KIAA0825: variants seen among roughly 807,000 people sequenced by gnomAD.
KIAA0825 encodes uncharacterized protein KIAA0825.
In KIAA0825, 119 loss-of-function variants were observed where a neutral mutation model predicts 147.6. The observed-to-expected ratio is 0.81, with a 90% CI of 0.69 to 0.94. The LOEUF (loss-of-function observed/expected upper bound fraction) is 0.94. Ranked by LOEUF, KIAA0825 falls within the 40% of genes least tolerant of loss-of-function variation. The probability of loss-of-function intolerance (pLI) is 0.00; values close to 1 mark genes in which losing one functional copy is unlikely to be tolerated. For missense variants in KIAA0825, 1,381 were observed against 1,472.7 expected (o/e 0.94, Z 1.02); for synonymous variants, 470 against 518.1 (o/e 0.91, Z 1.26).
intron 20 of KIAA0825, among the ~76,000 whole-genome samples, chr5:94,358,042 A>G (rs1386296364): frequency 6.6e-6 from 1 of 152,138 alleles, no homozygotes; most frequent in Non-Finnish European, 1.5e-5. Flanking sequence ...ATCTATCTTC[A>G]TCAGAACTAG....
chr5:94,433,583 A>G (rs1755972879), intron 14 of KIAA0825, among the ~76,000 whole-genome samples: 1 of 152,212 alleles, frequency 6.6e-6, no homozygotes, highest in South Asian at 2.1e-4. Context: ...TTTGAAAGCC[A>G]GCTGCCTGGG....
In KIAA0825 at chr5:94,417,186, G is replaced by A. The variant is rs776636275; in HGVS notation, c.2662+15C>T. 35 of 1,546,884 alleles carry A rather than the reference G, an allele frequency of 2.3e-5. No homozygotes were observed. Among genetic ancestry groups the A allele is most frequent in the East Asian group, 2.5e-5 (1 of 40,808 alleles). ...CTATAGAACATTTCTTTTACAAACAGTAAATGTCTCATACCTGGGATGTTA... is the reference window on the plus strand; with the variant it reads ...CTATAGAACATTTCTTTTACAAACAATAAATGTCTCATACCTGGGATGTTA... On this transcript the variant is annotated intron_variant, in intron 15 of 20. Coordinates refer to ENST00000682413, the MANE Select transcript of KIAA0825 (RefSeq NM_001145678.3).
chr5:94,353,301 A>G (rs1272171481), intron 20 of KIAA0825, among the ~76,000 whole-genome samples: 4 of 152,198 alleles, frequency 2.6e-5, no homozygotes, highest in Non-Finnish European at 4.4e-5. Context: ...TTTTCTACAT[A>G]CCATTTACAG....
chr5:94,360,384 A>G (rs914052257), intron 20 of KIAA0825, among the ~76,000 whole-genome samples: 4 of 152,180 alleles, frequency 2.6e-5, no homozygotes, highest in Non-Finnish European at 5.9e-5. Context: ...TGCATCTTGA[A>G]TAGGGTCTGA....
At chr5:94,156,271 T>C (rs1767021801) in intron 20 of KIAA0825, among the ~76,000 whole-genome samples, 1 of 152,154 alleles carries the variant, frequency 6.6e-6, no homozygotes, top group South Asian at 2.1e-4. Context: ...TTAAAAACCA[T>C]TTACAGCTAA....
intron 3 of KIAA0825, among the ~76,000 whole-genome samples, chr5:94,525,570 A>C (rs1028172370): frequency 6.6e-6 from 1 of 151,934 alleles, no homozygotes; most frequent in Non-Finnish European, 1.5e-5. Context: ...GTATTTTCTT[A>C]ACTTATGTAA....
intron 20 of KIAA0825, among the ~76,000 whole-genome samples, chr5:94,287,028 C>T (rs1412818733): frequency 6.6e-6 from 1 of 152,090 alleles, no homozygotes; most frequent in Non-Finnish European, 1.5e-5. Flanking sequence ...GACTTGTATG[C>T]TCTAGATAAT....
chr5:94,578,566 C>T (rs917019700), intron 2 of KIAA0825, among the ~76,000 whole-genome samples: 2 of 152,060 alleles, frequency 1.3e-5, no homozygotes, highest in African/African-American at 4.8e-5. Flanking sequence ...TTGTGACTAC[C>T]TTGCATCCCT....
chr5:94,320,249 T>C (rs1780032794), intron 20 of KIAA0825, among the ~76,000 whole-genome samples: 1 of 152,016 alleles, frequency 6.6e-6, no homozygotes, highest in South Asian at 2.1e-4. Flanking sequence ...TGATATTTTG[T>C]TACATGCATA....
chr5:94,570,998 T>C (rs1453088439), intron 2 of KIAA0825, among the ~76,000 whole-genome samples: 2 of 152,256 alleles, frequency 1.3e-5, no homozygotes, highest in Non-Finnish European at 2.9e-5. Flanking sequence ...ACCTTGTATA[T>C]GTATAATCAT....
chr5:94,254,125 G>A (rs1776117470), intron 20 of KIAA0825, among the ~76,000 whole-genome samples: 1 of 152,154 alleles, frequency 6.6e-6, no homozygotes, highest in Non-Finnish European at 1.5e-5. Context: ...GGGACAGCAA[G>A]AGTTATTCCC....
chr5:94,196,587 G>A (rs1395785273), intron 20 of KIAA0825, among the ~76,000 whole-genome samples: 1 of 152,026 alleles, frequency 6.6e-6, no homozygotes, highest in Admixed American at 6.6e-5. Context: ...CATAGTATCA[G>A]ATAGGTAGTT....
At chr5:94,235,908 A>G in intron 20 of KIAA0825, among the ~76,000 whole-genome samples, 1 of 152,180 alleles carries the variant, frequency 6.6e-6, no homozygotes, top group East Asian at 1.9e-4. Context: ...TTTTAAATCC[A>G]CTGTTGAGAC....
chr5:94,283,035 C>A (rs768668799), intron 20 of KIAA0825, among the ~76,000 whole-genome samples: 8 of 151,968 alleles, frequency 5.3e-5, no homozygotes, highest in Non-Finnish European at 1.2e-4. Context: ...GCAATAATTA[C>A]CTTCAGAGGA....
intron 3 of KIAA0825, among the ~76,000 whole-genome samples, chr5:94,533,564 C>T (rs1225120480): frequency 1.3e-5 from 2 of 152,178 alleles, no homozygotes; most frequent in African/African-American, 2.4e-5. Flanking sequence ...CATGAGCCAC[C>T]ACATCCAGCC....
intron 20 of KIAA0825, among the ~76,000 whole-genome samples, chr5:94,260,639 C>T (rs1776445285): frequency 1.3e-5 from 2 of 152,098 alleles, no homozygotes; most frequent in South Asian, 4.1e-4. Flanking sequence ...ACAAGAAAGA[C>T]AGTTAATTTG....
At chr5:94,238,760 A>C (rs892505434) in intron 20 of KIAA0825, among the ~76,000 whole-genome samples, 2 of 152,000 alleles carry the variant, frequency 1.3e-5, no homozygotes. Flanking sequence ...CTGCATTCCC[A>C]TGTTTGTCTT....
rs763814329 is a variant in KIAA0825 at position 94,469,970 on chromosome 5, A to C, written c.1863T>G (p.Ala621=). 1 of 1,547,330 alleles carries C rather than the reference A, an allele frequency of 6.5e-7. No homozygotes were observed. The highest frequency in any genetic ancestry group is 8.7e-7 in the Non-Finnish European group (1 of 1,144,728). Residue 621 remains alanine, a synonymous_variant, in exon 10 of 21, where the codon GCT becomes GCG. Transcript: ENST00000682413. ...AESHHWDDYK[A]FYEGERCSFS... ...AAACTTAACTTCACACCTCATAAAA[A>C]GCTTTGTAGTCATCCCAGTGGTGGC...
At chr5:94,599,345 T>C (rs12517059) in intron 1 of KIAA0825, among the ~76,000 whole-genome samples, 20,297 of 148,206 alleles carry the variant, frequency 0.14, 1,568 homozygotes, top group East Asian at 0.31. Flanking sequence ...TTTTTTTTTT[T>C]TTTTTTGCTA....
Sources: gnomAD v4.1 joint callset for allele counts (sites outside exome capture counted in the v4.1 genomes callset) on GRCh38, gnomAD v4.1.1 for gene constraint, MANE v1.5 for transcripts, NCBI Gene and HGNC (gene_info 2026-07-23, HGNC 2026-07-21) for gene names.